PRR11: variants seen among roughly 807,000 people sequenced by gnomAD.
PRR11 encodes proline rich 11, also known as proline-rich protein 11.
A neutral mutation model predicts 45.6 loss-of-function variants in PRR11; 30 were observed. The observed-to-expected ratio is 0.66, with a 90% CI of 0.49 to 0.89. The LOEUF is 0.89. PRR11 is among the 40% of genes least tolerant of loss of function. The probability of loss-of-function intolerance (pLI) is 0.00; values close to 1 mark genes in which losing one functional copy is unlikely to be tolerated. For missense variants in PRR11, 373 were observed against 424.8 expected, an observed-to-expected ratio of 0.88 and a Z score of 1.07; for synonymous variants, 128 against 153.5, an observed-to-expected ratio of 0.83 and a Z score of 1.23.
chr17:59,172,564 G>A (rs758679256), intron 2 of PRR11, among the ~76,000 whole-genome samples: 31 of 152,230 alleles, frequency 2.0e-4, no homozygotes, highest in Non-Finnish European at 3.2e-4. Context: ...CGCTGCGCTT[G>A]CATGCCAGCT....
chr17:59,200,175 G>A lies in PRR11; in HGVS notation c.1015-1388G>A, dbSNP rs368754037. Among the ~76,000 whole-genome samples, 12 of 152,304 alleles carry A rather than the reference G, an allele frequency of 7.9e-5. No individual in the cohort carries two copies. The East Asian group carries it at 1.9e-3, about 24-fold the overall frequency. On this transcript the variant is annotated intron_variant, in intron 9 of 9. Transcript: ENST00000262293. ...AGGAGGAGGATGTCTAGTTAAAATT[G>A]TTGTTAGATATAGATGACTTATCCC...
rs139538960 is a variant in PRR11 at position 59,185,150 on chromosome 17, T to C, written c.225T>C (p.Leu75=). The C allele has an allele frequency of 4.0e-5, 64 of 1,614,084 alleles. No individual in the cohort carries two copies. The African/African-American group carries it at 6.7e-4, about 17-fold the overall frequency. ...NFPNIRDAIK[L]WTNRVWSIYS... The stretch of plus-strand genomic sequence containing the variant: ...CTAACATCAGAGATGCAATAAAACT[T>C]TGGACAAATAGAGTATGGTCTATAT... Residue 75 remains leucine (L), a synonymous_variant, in exon 3 of 10, where the codon CTT becomes CTC. Coordinates refer to ENST00000262293, the MANE Select transcript of PRR11 (RefSeq NM_018304.4).
chr17:59,185,111 G>C lies in PRR11; in HGVS notation c.186G>C (p.Trp62Cys). The C allele has an allele frequency of 6.2e-7, 1 of 1,613,614 alleles. No individual in the cohort carries two copies. The change falls in exon 3 of 10, where the codon TGG (tryptophan) becomes TGC (cysteine). Residue 62 changes from tryptophan to cysteine, a missense_variant. Coordinates refer to ENST00000262293, the MANE Select transcript of PRR11 (RefSeq NM_018304.4). ...GCAGAAGCTGGCTAACATCATCCTG[G>C]AACTTCAATTTTCCTAACATCAGAG... ...SQSRSWLTSS[W>C]NFNFPNIRDA...
At chr17:59,180,752 C>T (rs1295191822) in intron 2 of PRR11, among the ~76,000 whole-genome samples, 6 of 150,550 alleles carry the variant, frequency 4.0e-5, no homozygotes, top group Middle Eastern at 7.0e-3. Flanking sequence ...GTGATCCACC[C>T]GCCTCAGCCT....
intron 4 of PRR11, among the ~76,000 whole-genome samples, chr17:59,189,252 A>G (rs989423373): frequency 6.6e-6 from 1 of 151,696 alleles, no homozygotes; most frequent in African/African-American, 2.4e-5. Context: ...GTGAGTTGTG[A>G]TCGTGCCACT....
chr17:59,177,880 C>T (rs2046757150), intron 2 of PRR11, among the ~76,000 whole-genome samples: 1 of 152,086 alleles, frequency 6.6e-6, no homozygotes, highest in African/African-American at 2.4e-5. Flanking sequence ...TGGCATGTGC[C>T]TGTACTCCCA....
intron 1 of PRR11, among the ~76,000 whole-genome samples, chr17:59,168,103 G>T (rs377013914): frequency 6.6e-6 from 1 of 151,792 alleles, no homozygotes; most frequent in East Asian, 1.9e-4. Flanking sequence ...TCCTGGGAAA[G>T]ATACTATCCC....
intron 5 of PRR11, among the ~76,000 whole-genome samples, chr17:59,194,061 A>G (rs2046852616): frequency 6.6e-6 from 1 of 152,178 alleles, no homozygotes; most frequent in Non-Finnish European, 1.5e-5. Context: ...TAGAGAGTAA[A>G]GTCAGAACAA....
chr17:59,177,966 C>T (rs2046757730), intron 2 of PRR11, among the ~76,000 whole-genome samples: 1 of 150,110 alleles, frequency 6.7e-6, no homozygotes, highest in Non-Finnish European at 1.5e-5. Context: ...CATGCCACTG[C>T]ACTCCATCCT....
chr17:59,181,824 A>C (rs1387957031), intron 2 of PRR11: 14 of 1,448,116 alleles, frequency 9.7e-6, no homozygotes, highest in African/African-American at 9.1e-5. Flanking sequence ...CCCCAACCCC[A>C]AACCACTCTC....
At chr17:59,178,003 A>G (rs934756510) in intron 2 of PRR11, among the ~76,000 whole-genome samples, 5 of 104,216 alleles carry the variant, frequency 4.8e-5, no homozygotes, top group African/African-American at 1.5e-4. Context: ...TACTGTCTCG[A>G]AAAAAAAAAA....
chr17:59,189,194 G>A (rs2046829287), intron 4 of PRR11, among the ~76,000 whole-genome samples: 1 of 151,240 alleles, frequency 6.6e-6, no homozygotes, highest in Non-Finnish European at 1.5e-5. Context: ...CAGCTACTCA[G>A]GAGGTTGAGG....
At chr17:59,179,357 A>G (rs1001916196) in intron 2 of PRR11, among the ~76,000 whole-genome samples, 2 of 152,056 alleles carry the variant, frequency 1.3e-5, no homozygotes, top group African/African-American at 4.8e-5. Flanking sequence ...CTGCAGCCTC[A>G]AAGTCCTGAG....
Position 59,205,073 on chromosome 17 carries a change from CAAA to C in PRR11, c.*3452_*3454del, listed in dbSNP as rs1413266467. Reference sequence around the variant, plus strand: ...TGCTTTGCTACATAATGAGGCCAGGCAAAAAAAAAAAAGTCCTGTGGAAATCAT... The same window carrying C: ...TGCTTTGCTACATAATGAGGCCAGGCAAAAAAAAAGTCCTGTGGAAATCAT... On this transcript the variant is annotated 3_prime_UTR_variant, in exon 10 of 10. Coordinates refer to ENST00000262293, the MANE Select transcript of PRR11 (RefSeq NM_018304.4). Among the ~76,000 whole-genome samples the C allele has an allele frequency of 7.4e-6, 1 of 134,904 alleles. No individual in the cohort carries two copies. The allele number at this position is 134,904 out of a possible 152,430, so 88.5% of individuals were successfully genotyped here.
intron 2 of PRR11, among the ~76,000 whole-genome samples, chr17:59,173,527 C>T (rs890003478): frequency 4.6e-5 from 7 of 152,076 alleles, no homozygotes; most frequent in African/African-American, 1.7e-4. Context: ...ACTCCAGACG[C>T]CCTGCCTTAA....
At chr17:59,162,397 A>C (rs2046657960) in intron 1 of PRR11, among the ~76,000 whole-genome samples, 1 of 152,192 alleles carries the variant, frequency 6.6e-6, no homozygotes. Context: ...ACAGGAAAGG[A>C]CTAGAAAGAA....
chr17:59,179,712 G>A, intron 2 of PRR11: 1 of 1,433,198 alleles, frequency 7.0e-7, no homozygotes, highest in Non-Finnish European at 9.6e-7. Flanking sequence ...CATTGCTTCA[G>A]CTTCATCTTG....
In PRR11 at chr17:59,205,449, C is replaced by T. The variant is rs571825715; in HGVS notation, c.*3818C>T. Among the ~76,000 whole-genome samples, 1 of 151,312 alleles carries T rather than the reference C, an allele frequency of 6.6e-6. No individual in the cohort carries two copies. The highest frequency in any genetic ancestry group is 2.4e-5 in the African/African-American group (1 of 41,310). On this transcript the variant is annotated 3_prime_UTR_variant, in exon 10 of 10. Coordinates refer to ENST00000262293, the MANE Select transcript of PRR11 (RefSeq NM_018304.4). Reference sequence around the variant, plus strand: ...GGGTGCGGTGGCTCATGCCTATAATCCCAGCACTTTGGGAGGCCGAGGCAG... The same window carrying T: ...GGGTGCGGTGGCTCATGCCTATAATTCCAGCACTTTGGGAGGCCGAGGCAG...
intron 2 of PRR11, among the ~76,000 whole-genome samples, chr17:59,179,165 A>T (rs2046766455): frequency 6.6e-6 from 1 of 151,762 alleles, no homozygotes; most frequent in South Asian, 2.1e-4. Flanking sequence ...ACGCCTGGCT[A>T]ATTTTTGTAT....
Sources: gnomAD v4.1 joint callset for allele counts (sites outside exome capture counted in the v4.1 genomes callset) on GRCh38, gnomAD v4.1.1 for gene constraint, MANE v1.5 for transcripts, NCBI Gene and HGNC (gene_info 2026-07-23, HGNC 2026-07-21) for gene names.